Variants in AKT3 observed in about 807,000 individuals in gnomAD.
AKT3 encodes AKT serine/threonine kinase 3.
A neutral mutation model predicts 65.3 loss-of-function variants in AKT3; 15 were observed. That is an observed-to-expected ratio of 0.23 (90% CI 0.15 to 0.35). The LOEUF (loss-of-function observed/expected upper bound fraction) is 0.35, where lower values mean the gene tolerates loss of function less well. Ranked by LOEUF, AKT3 falls within the 10% of genes least tolerant of loss-of-function variation. The pLI is 1.00. For missense variants in AKT3, 243 were observed against 576.5 expected (o/e 0.42, Z 5.92); for synonymous variants, 206 against 183.8 (o/e 1.12, Z -0.98).
chr1:243,743,162 A>G (rs1358508292), intron 2 of AKT3, among the ~76,000 whole-genome samples: 1 of 152,216 alleles, frequency 6.6e-6, no homozygotes, highest in Non-Finnish European at 1.5e-5. Flanking sequence ...GCTCTAAAAT[A>G]CTGCTCAAGA....
rs1427157692 is a variant in AKT3 at position 243,720,428 on chromosome 1, G to GT, written c.47-24713dup. ...CTTTTTGATGAGACCAAAAGACATA[G>GT]TAAAAAAAAAAAAAAAAAAAAAAGT... is the stretch of plus-strand genomic sequence containing the variant. On this transcript the variant is annotated intron_variant, in intron 2 of 13. Coordinates refer to ENST00000673466, the MANE Select transcript of AKT3 (RefSeq NM_005465.7). 9.3e-5 allele frequency among the ~76,000 whole-genome samples: 5 copies of GT among 54,002 alleles called. No homozygotes were observed. The South Asian group carries it at 2.1e-3, about 23-fold the overall frequency. The allele number at this position is 54,002 out of a possible 152,430, so 35.4% of individuals were successfully genotyped here.
At chr1:243,640,505 G>T (rs1240088951) in intron 5 of AKT3, among the ~76,000 whole-genome samples, 1 of 152,120 alleles carries the variant, frequency 6.6e-6, no homozygotes, top group African/African-American at 2.4e-5. Context: ...CAGTTTATGC[G>T]TTCTCTCTCT....
intron 2 of AKT3, among the ~76,000 whole-genome samples, chr1:243,758,820 T>C (rs1361293974): frequency 6.6e-6 from 1 of 152,174 alleles, no homozygotes; most frequent in African/African-American, 2.4e-5. Context: ...CTCGCTCACC[T>C]CTTGCTGTGT....
At chr1:243,830,990 C>T (rs1558853633) in intron 2 of AKT3, among the ~76,000 whole-genome samples, 1 of 152,160 alleles carries the variant, frequency 6.6e-6, no homozygotes, top group Non-Finnish European at 1.5e-5. Flanking sequence ...TCCAGTGCTG[C>T]CCTTACCGAA....
intron 8 of AKT3, chr1:243,613,076 TACACACACAC>T (rs1196629265): frequency 1.1e-5 from 1 of 89,548 alleles, no homozygotes; most frequent in South Asian, 2.9e-4. Context: ...TATATATATA[TACACACACAC>T]ACACACACAC....
chr1:243,571,101 G>A (rs890251965), intron 9 of AKT3, among the ~76,000 whole-genome samples: 6 of 152,124 alleles, frequency 3.9e-5, no homozygotes, highest in African/African-American at 7.2e-5. Context: ...AGGCGGTCAC[G>A]AGGTCAGGAG....
intron 12 of AKT3, among the ~76,000 whole-genome samples, chr1:243,539,384 A>G (rs1007625987): frequency 6.6e-6 from 1 of 152,164 alleles, no homozygotes; most frequent in Admixed American, 6.6e-5. Flanking sequence ...TACAGTATAT[A>G]ATACAAATAA....
At chr1:243,731,647 A>G (rs1687578506) in intron 2 of AKT3, among the ~76,000 whole-genome samples, 1 of 152,244 alleles carries the variant, frequency 6.6e-6, no homozygotes, top group Admixed American at 6.5e-5. Flanking sequence ...ACGCACTGAA[A>G]GATCTCAGTT....
intron 2 of AKT3, among the ~76,000 whole-genome samples, chr1:243,764,670 T>C (rs1312230804): frequency 1.3e-5 from 2 of 151,952 alleles, no homozygotes; most frequent in Non-Finnish European, 2.9e-5. Context: ...CAAAGAATGG[T>C]AATAAAATAA....
intron 9 of AKT3, among the ~76,000 whole-genome samples, chr1:243,564,649 A>G (rs1674023904): frequency 1.3e-5 from 2 of 152,182 alleles, no homozygotes; most frequent in African/African-American, 4.8e-5. Context: ...AGCTAATTTG[A>G]ACCTAAGATT....
intron 11 of AKT3, among the ~76,000 whole-genome samples, chr1:243,546,093 T>C (rs1045654775): frequency 6.6e-6 from 1 of 152,166 alleles, no homozygotes; most frequent in Non-Finnish European, 1.5e-5. Context: ...TCCCATGCTG[T>C]TCTCATGATA....
At chr1:243,644,738 C>A (rs1680678331) in intron 5 of AKT3, among the ~76,000 whole-genome samples, 1 of 152,006 alleles carries the variant, frequency 6.6e-6, no homozygotes, top group African/African-American at 2.4e-5. Flanking sequence ...AAATACTTAA[C>A]CATATCAGAT....
intron 2 of AKT3, among the ~76,000 whole-genome samples, chr1:243,724,133 G>A (rs1235254056): frequency 6.6e-6 from 1 of 151,896 alleles, no homozygotes; most frequent in African/African-American, 2.4e-5. Flanking sequence ...ACAATGCTGT[G>A]TGATACAGGA....
At chr1:243,643,250 C>T (rs887369778) in intron 5 of AKT3, among the ~76,000 whole-genome samples, 1 of 152,102 alleles carries the variant, frequency 6.6e-6, no homozygotes, top group African/African-American at 2.4e-5. Context: ...TGATACAATC[C>T]CAAGAACTGG....
At chr1:243,848,564 A>G (rs1695611921) in intron 1 of AKT3, among the ~76,000 whole-genome samples, 1 of 152,186 alleles carries the variant, frequency 6.6e-6, no homozygotes, top group African/African-American at 2.4e-5. Context: ...TAAACCAATG[A>G]GTTTCACTCA....
At chr1:243,796,402 C>A (rs1426375454) in intron 2 of AKT3, among the ~76,000 whole-genome samples, 1 of 152,204 alleles carries the variant, frequency 6.6e-6, no homozygotes, top group African/African-American at 2.4e-5. Context: ...GGATGCTTGT[C>A]CACACAGCAG....
chr1:243,634,288 C>A (rs1295289492), intron 6 of AKT3, among the ~76,000 whole-genome samples: 5 of 151,696 alleles, frequency 3.3e-5, no homozygotes, highest in African/African-American at 1.2e-4. Context: ...TATTTTAAAT[C>A]CACATTGGTT....
intron 1 of AKT3, among the ~76,000 whole-genome samples, chr1:243,844,188 T>C (rs977429764): frequency 6.6e-6 from 1 of 152,210 alleles, no homozygotes; most frequent in African/African-American, 2.4e-5. Context: ...ATGTGATCTT[T>C]ATAACCTTAT....
intron 2 of AKT3, among the ~76,000 whole-genome samples, chr1:243,833,557 T>C (rs1212507912): frequency 6.6e-6 from 1 of 152,106 alleles, no homozygotes; most frequent in African/African-American, 2.4e-5. Flanking sequence ...GGGATTACAA[T>C]TTTTAAGATG....
Sources: allele counts gnomAD v4.1 joint callset (sites outside exome capture counted in the v4.1 genomes callset), GRCh38; gene constraint gnomAD v4.1.1; transcripts MANE v1.5; gene names NCBI Gene and HGNC (gene_info 2026-07-23, HGNC 2026-07-21).